Variants in PLEKHA7 observed in about 807,000 individuals in gnomAD.
The protein encoded by PLEKHA7 is pleckstrin homology domain-containing family A member 7.
PLEKHA7 carries 104 observed loss-of-function variants against 170.0 expected under a neutral mutation model. The ratio of observed to expected loss-of-function variants is 0.61; its 90% CI spans 0.52 to 0.72. The LOEUF is 0.72. Among genes scored for constraint, PLEKHA7 ranks in the 30% least tolerant of loss-of-function variants. PLEKHA7 has a pLI of 0.00. For synonymous variants in PLEKHA7, 648 were observed against 660.8 expected (o/e 0.98, Z 0.30); for missense variants, 1,615 against 1,671.7 (o/e 0.97, Z 0.59).
chr11:16,802,498 G>A (rs1195050908), intron 15 of PLEKHA7, among the ~76,000 whole-genome samples: 1 of 152,102 alleles, frequency 6.6e-6, no homozygotes, highest in Non-Finnish European at 1.5e-5. Context: ...GGGGCAGGAG[G>A]GTCTCTATAA....
intron 26 of PLEKHA7, among the ~76,000 whole-genome samples, chr11:16,779,518 G>A (rs528103274): frequency 2.6e-5 from 4 of 152,290 alleles, no homozygotes; most frequent in East Asian, 1.9e-4. Flanking sequence ...GTGACTGAGC[G>A]CTGTTACTGT....
Position 16,940,503 on chromosome 11 carries a change from G to A in PLEKHA7, c.222-69321C>T, listed in dbSNP as rs369774760. Among the ~76,000 whole-genome samples, 219 of 151,860 alleles carry A rather than the reference G, an allele frequency of 1.4e-3. 1 individual carries two copies. The highest frequency in any genetic ancestry group is 4.9e-3 in the African/African-American group (204 of 41,416). On this transcript the variant is annotated intron_variant, in intron 3 of 26. Transcript: ENST00000531066. The stretch of plus-strand genomic sequence containing the variant: ...CGGGGTTCCACCAGATTGGCTGCTG[G>A]TCTTGAACTCCTGACCTCAGGTGAT...
chr11:16,908,245 A>G (rs1387529569), intron 3 of PLEKHA7, among the ~76,000 whole-genome samples: 1 of 146,132 alleles, frequency 6.8e-6, no homozygotes, highest in African/African-American at 2.6e-5. Flanking sequence ...GAAACACCCA[A>G]GAATGATCAA....
intron 3 of PLEKHA7, among the ~76,000 whole-genome samples, chr11:16,939,322 G>A (rs941632561): frequency 1.3e-5 from 2 of 152,156 alleles, no homozygotes; most frequent in African/African-American, 4.8e-5. Context: ...GCTGAGGCAG[G>A]AGAATTGCTT....
chr11:16,907,127 C>G (rs1334587287), intron 3 of PLEKHA7, among the ~76,000 whole-genome samples: 1 of 94,562 alleles, frequency 1.1e-5, no homozygotes, highest in Non-Finnish European at 2.2e-5. Context: ...GGTCAGCCCC[C>G]CGCCCGGCCA....
chr11:16,791,008 C>A lies in PLEKHA7; in HGVS notation c.2934+3G>T. On this transcript the variant is annotated splice_donor_region_variant and intron_variant, in intron 20 of 26. Transcript: ENST00000531066. The surrounding 1 kb of genome is among the most constrained non-coding windows in gnomAD (Gnocchi z 4.5). ...AGTGGCAGCCCCAGGGTCCCCCGCTCACCCTGGAATCCCCATTCACACACT... is the reference window on the plus strand; with the variant it reads ...AGTGGCAGCCCCAGGGTCCCCCGCTAACCCTGGAATCCCCATTCACACACT... 1 of 1,614,110 alleles carries A rather than the reference C, an allele frequency of 6.2e-7. No individual in the cohort carries two copies. Among genetic ancestry groups the A allele is most frequent in the Non-Finnish European group, 8.5e-7 (1 of 1,180,024 alleles).
At position 16,999,361 on chromosome 11, in the gene PLEKHA7, G is replaced by A. The variant is rs1864531689; in HGVS notation, c.221+14628C>T. On this transcript the variant is annotated intron_variant, in intron 3 of 26. Transcript: ENST00000531066. ...TCCTCTGCCTGCAGGATCTCTAAGT[G>A]GTCACGGGGTTCCAAGATGTGGAGC... Among the ~76,000 whole-genome samples the A allele has an allele frequency of 2.0e-5, 3 of 151,896 alleles. No homozygotes were observed. The South Asian group carries it at 6.2e-4, about 32-fold the overall frequency.
chr11:16,874,700 C>T (rs560574474), intron 3 of PLEKHA7, among the ~76,000 whole-genome samples: 1 of 152,340 alleles, frequency 6.6e-6, no homozygotes, highest in East Asian at 1.9e-4. Flanking sequence ...CACTCCCTCT[C>T]ATTCTTTATC....
At chr11:16,987,606 T>C (rs1157513767) in intron 3 of PLEKHA7, among the ~76,000 whole-genome samples, 3 of 152,172 alleles carry the variant, frequency 2.0e-5, no homozygotes, top group African/African-American at 4.8e-5. Context: ...ATGAAGGGAA[T>C]GTAAAACAGC....
chr11:16,906,250 G>GGAAGGAAGGAAA (rs1857664802), intron 3 of PLEKHA7, among the ~76,000 whole-genome samples: 1 of 111,044 alleles, frequency 9.0e-6, no homozygotes, highest in African/African-American at 3.2e-5. Flanking sequence ...AAGGAAGGAA[G>GGAAGGAAGGAAA]GAAGGAAGGA....
chr11:16,794,504 T>A lies in PLEKHA7; in HGVS notation c.2729A>T (p.Lys910Met), dbSNP rs1401361758. Residue 910 changes from lysine (K) to methionine (M), a missense_variant, in exon 19 of 27, where the codon AAG becomes ATG. Lys to Met is a moderately conservative substitution (Grantham distance 95). Coordinates refer to ENST00000531066, the MANE Select transcript of PLEKHA7 (RefSeq NM_001329630.2). ...KVTSPLQSPT[K>M]AKPKVEDEAP... Reference sequence around the variant, plus strand: ...ACTACTTACAACTTTGGGCTTCGCCTTAGTTGGTGACTGAAGGGGGGATGT... The same window carrying A: ...ACTACTTACAACTTTGGGCTTCGCCATAGTTGGTGACTGAAGGGGGGATGT... 1 of 1,613,782 alleles carries A rather than the reference T, an allele frequency of 6.2e-7. No homozygotes were observed. Among genetic ancestry groups the A allele is most frequent in the African/African-American group, 1.3e-5 (1 of 74,910 alleles).
At chr11:16,875,163 C>G (rs896062390) in intron 3 of PLEKHA7, among the ~76,000 whole-genome samples, 6 of 152,210 alleles carry the variant, frequency 3.9e-5, no homozygotes, top group African/African-American at 1.4e-4. Flanking sequence ...TCAGTCACAG[C>G]ATCATCACCA....
intron 3 of PLEKHA7, among the ~76,000 whole-genome samples, chr11:17,001,876 C>A (rs907587466): frequency 1.3e-5 from 2 of 152,300 alleles, no homozygotes; most frequent in Admixed American, 1.3e-4. Flanking sequence ...CTCAAGAGGG[C>A]GAGGCTCTGT....
At chr11:16,857,153 T>C (rs1166442299) in intron 4 of PLEKHA7, among the ~76,000 whole-genome samples, 1 of 152,238 alleles carries the variant, frequency 6.6e-6, no homozygotes, top group Admixed American at 6.5e-5. Flanking sequence ...ATCCTTTCTG[T>C]GCCCGGAGAC....
At chr11:16,880,357 T>C (rs1855618845) in intron 3 of PLEKHA7, among the ~76,000 whole-genome samples, 1 of 152,230 alleles carries the variant, frequency 6.6e-6, no homozygotes, top group Non-Finnish European at 1.5e-5. Context: ...TTTCTGAGTT[T>C]ATCTGTAAAG....
rs755334807 is a variant in PLEKHA7 at position 16,852,357 on chromosome 11, T to C, written c.523-2A>G. The C allele has an allele frequency of 1.9e-6, 3 of 1,613,544 alleles. No homozygotes were observed. Among genetic ancestry groups the C allele is most frequent in the Non-Finnish European group, 2.5e-6 (3 of 1,179,808 alleles). ...CCACAGCCTCATCCCAGAACTGTCC[T>C]GCAAAGCAAAGAAAACTAGTCAGGG... is the stretch of plus-strand genomic sequence containing the variant. On this transcript the variant is annotated splice_acceptor_variant, in intron 6 of 26. Coordinates refer to ENST00000531066, the MANE Select transcript of PLEKHA7 (RefSeq NM_001329630.2). LOFTEE classifies it high-confidence loss of function.
At chr11:16,875,503 G>GT (rs1855218451) in intron 3 of PLEKHA7, among the ~76,000 whole-genome samples, 1 of 151,910 alleles carries the variant, frequency 6.6e-6, no homozygotes, top group Non-Finnish European at 1.5e-5. Context: ...CTGGAGTGCA[G>GT]TGGAACGATC....
At chr11:16,899,131 G>T (rs1346660233) in intron 3 of PLEKHA7, among the ~76,000 whole-genome samples, 1 of 152,220 alleles carries the variant, frequency 6.6e-6, no homozygotes, top group African/African-American at 2.4e-5. Flanking sequence ...CTCTTGGATG[G>T]TGTTTTCTAG....
In PLEKHA7 at chr11:16,996,247, G is replaced by A. The variant is rs563899302; in HGVS notation, c.221+17742C>T. Among the ~76,000 whole-genome samples, 11 of 152,304 alleles carry A rather than the reference G, an allele frequency of 7.2e-5. No individual in the cohort carries two copies. In the East Asian group the frequency reaches 1.9e-3, roughly 27 times the overall value. ...CCTGGCAGAGTTCCATAGCCATGAA[G>A]TCTGGCTCCAAGCCTGTGTGCTCAC... On this transcript the variant is annotated intron_variant, in intron 3 of 26. Transcript: ENST00000531066.
Sources: gnomAD v4.1 joint callset for allele counts (sites outside exome capture counted in the v4.1 genomes callset) on GRCh38, gnomAD v4.1.1 for gene constraint, Gnocchi (gnomAD v3.1) non-coding constraint, MANE v1.5 for transcripts, NCBI Gene and HGNC (gene_info 2026-07-23, HGNC 2026-07-21) for gene names.